RASAL3: variants seen among roughly 807,000 people sequenced by gnomAD.
RASAL3 encodes the protein RAS protein activator like 3.
In RASAL3, 74 loss-of-function variants were observed where a neutral mutation model predicts 105.5. That is an observed-to-expected ratio of 0.70 (90% CI 0.58 to 0.85). RASAL3 has a LOEUF of 0.85. Among genes scored for constraint, RASAL3 ranks in the 40% least tolerant of loss-of-function variants. The pLI, the probability that RASAL3 is intolerant of heterozygous loss-of-function variation, is 0.00. For missense variants in RASAL3, 1,352 were observed against 1,392.0 expected, an observed-to-expected ratio of 0.97 and a Z score of 0.46; for synonymous variants, 579 against 591.6, an observed-to-expected ratio of 0.98 and a Z score of 0.31.
chr19:15,457,541 G>T lies in RASAL3; in HGVS notation c.1182C>A (p.Arg394=). Reference sequence around the variant, plus strand: ...AGCGCTCCAGACCGGCGGCAGGCGCGCGTGGGGCGTCCAGCTCCTCCAGCG... The same window carrying T: ...AGCGCTCCAGACCGGCGGCAGGCGCTCGTGGGGCGTCCAGCTCCTCCAGCG... ...ALALEELDAP[R]APAAGLERWF... Residue 394 remains arginine (R), a synonymous_variant, in exon 9 of 18, where the codon CGC becomes CGA. Transcript: ENST00000343625. This position sits in a 1 kb window ranked among gnomAD's most constrained non-coding sequence, Gnocchi z 8.6. 1 of 1,141,914 alleles carries T rather than the reference G, an allele frequency of 8.8e-7. No individual in the cohort carries two copies. The highest frequency in any genetic ancestry group is 1.1e-6 in the Non-Finnish European group (1 of 927,386). 70.7% of individuals were successfully genotyped at this position (1,141,914 alleles called of 1,614,324 possible).
rs115953583 is a variant in RASAL3, at chr19:15,456,769, A to T, written c.1432-123T>A. ...CCCCTTGTAGCTGATGCTTAGGCCC[A>T]GTCCTTACTGCTGGGGCTCATAACC... is the stretch of plus-strand genomic sequence containing the variant. On this transcript the variant is annotated intron_variant, in intron 9 of 17. Transcript: ENST00000343625. This position sits in a 1 kb window ranked among gnomAD's most constrained non-coding sequence, Gnocchi z 4.4. 4,952 of 1,178,088 alleles carry T rather than the reference A, an allele frequency of 4.2e-3. 160 individuals are homozygous for T. The African/African-American group carries it at 0.07, about 17-fold the overall frequency. The allele number at this position is 1,178,088 out of a possible 1,614,324, so 73.0% of individuals were successfully genotyped here.
At position 15,460,274 on chromosome 19, in the gene RASAL3, T is replaced by G. The variant is rs758500512; in HGVS notation, c.607-16A>C. ...TGAGCAACCCCTGTGGGGAAGGGAA[T>G]GTCAGCTGGACAGAAATCTGTGCTC... On this transcript the variant is annotated splice_polypyrimidine_tract_variant and intron_variant, in intron 5 of 17. Coordinates refer to ENST00000343625, the MANE Select transcript of RASAL3 (RefSeq NM_022904.3). 5 of 1,601,784 alleles carry G rather than the reference T, an allele frequency of 3.1e-6. No homozygotes were observed. Among genetic ancestry groups the G allele is most frequent in the Non-Finnish European group, 4.3e-6 (5 of 1,173,808 alleles).
rs1364352252 is a variant in RASAL3 at position 15,454,573 on chromosome 19, G to T, written c.1959-11C>A. On this transcript the variant is annotated splice_polypyrimidine_tract_variant and intron_variant, in intron 12 of 17. Coordinates refer to ENST00000343625, the MANE Select transcript of RASAL3 (RefSeq NM_022904.3). ...TCCTTCTCACCGAACCTGGATCAGG[G>T]CCAGGCTGGGTGGGTCAGGTCAGGC... The T allele has an allele frequency of 2.5e-6, 4 of 1,613,704 alleles. No individual in the cohort carries two copies. In the East Asian group the frequency reaches 6.7e-5, roughly 27 times the overall value.
At chr19:15,464,441 C>T (rs1279501710) in intron 1 of RASAL3, 64 bp from the exon 2 acceptor site, 9 of 1,312,280 alleles carry the variant, frequency 6.9e-6, no homozygotes, top group Non-Finnish European at 1.1e-6. Context: ...CATCTCGGCC[C>T]CCTCCCCACC....
At position 15,453,499 on chromosome 19, in the gene RASAL3, T is replaced by C; in HGVS notation, c.2280-2A>G. 2.6e-6 allele frequency: 4 copies of C among 1,522,166 alleles called. No individual in the cohort carries two copies. The highest frequency in any genetic ancestry group is 3.5e-6 in the Non-Finnish European group (4 of 1,144,116). 94.3% of individuals were successfully genotyped at this position (1,522,166 alleles called of 1,614,324 possible). A position where few individuals can be genotyped will look rare whatever the true frequency, so the allele number is the denominator to read the frequency against. On this transcript the variant is annotated splice_acceptor_variant, in intron 14 of 17. Coordinates refer to ENST00000343625, the MANE Select transcript of RASAL3 (RefSeq NM_022904.3). LOFTEE classifies it high-confidence loss of function. The surrounding 1 kb of genome is among the most constrained non-coding windows in gnomAD (Gnocchi z 4.2). ...CCGGGCTTCTCCCCTGCGGAGAGGC[T>C]AGGGGTGGGATGGAGGATCTTAGAC...
Position 15,453,225 on chromosome 19 carries a change from C to T in RASAL3, c.2552G>A (p.Arg851Gln). 1.2e-6 allele frequency: 2 copies of T among 1,603,044 alleles called. No homozygotes were observed. The highest frequency in any genetic ancestry group is 1.7e-6 in the Non-Finnish European group (2 of 1,175,794). ...CGAGGCGGAGTCCCGGGTCCAAGGC[C>T]GGGCGCGGGGCGCTGGTCCCATGCT... Reference protein sequence around the residue: ...SLSMGPAPRARPWTRDSASLP... With the variant: ...SLSMGPAPRAQPWTRDSASLP... The change falls in exon 15 of 18, where the codon CGG becomes CAG. Residue 851 changes from arginine to glutamine, a missense_variant. Arg to Gln is a conservative substitution (Grantham distance 43). This residue lies in a region of RASAL3 where 920 missense variants were observed against 919.6 expected (regional missense o/e 1.00). Coordinates refer to ENST00000343625, the MANE Select transcript of RASAL3 (RefSeq NM_022904.3). This position sits in a 1 kb window ranked among gnomAD's most constrained non-coding sequence, Gnocchi z 4.2.
intron 6 of RASAL3, among the ~76,000 whole-genome samples, chr19:15,459,659 C>T (rs751570798): frequency 7.9e-5 from 12 of 152,032 alleles, no homozygotes; most frequent in Non-Finnish European, 1.3e-4. Flanking sequence ...CACTCAGCCT[C>T]CCCAGTAGGT....
At chr19:15,452,539 G>A in intron 16 of RASAL3, 119 bp downstream of exon 16, 1 of 901,988 alleles carries the variant, frequency 1.1e-6, no homozygotes, top group South Asian at 1.8e-5. Flanking sequence ...TATTGGGGCG[G>A]GGCCAGGGTG....
Position 15,457,837 on chromosome 19 carries a change from G to A in RASAL3, c.889-3C>T. ...GTCTCTTCCCGCTCCACGTTGTCCT[G>A]CAGATGGGAGTGGGATGGGGGGAAG... On this transcript the variant is annotated splice_region_variant and splice_polypyrimidine_tract_variant and intron_variant, in intron 8 of 17. Transcript: ENST00000343625. This position sits in a 1 kb window ranked among gnomAD's most constrained non-coding sequence, Gnocchi z 8.6. 6.5e-7 allele frequency: 1 copy of A among 1,548,536 alleles called. No individual in the cohort carries two copies. Among genetic ancestry groups the A allele is most frequent in the Admixed American group, 2.0e-5 (1 of 50,948 alleles).
Position 15,461,225 on chromosome 19 carries a change from C to T in RASAL3, c.537G>A (p.Arg179=), listed in dbSNP as rs1599750437. Residue 179 remains arginine, a synonymous_variant, in exon 4 of 18, where the codon AGG becomes AGA. Transcript: ENST00000343625. Reference sequence around the variant, plus strand: ...TCCACCCCTCAAGCTTACCTGGATCCCTGAAGTTCCCCATGGCCACGTGGA... The same window carrying T: ...TCCACCCCTCAAGCTTACCTGGATCTCTGAAGTTCCCCATGGCCACGTGGA... The part of the protein sequence containing the change: ...GSIHVAMGNF[R]DPDRMPGKTE... The T allele has an allele frequency of 1.2e-6, 2 of 1,613,898 alleles. No individual in the cohort carries two copies. The highest frequency in any genetic ancestry group is 2.2e-5 in the East Asian group (1 of 44,880).
chr19:15,457,259 G>T lies in RASAL3; in HGVS notation c.1431+33C>A. 1 of 1,248,476 alleles carries T rather than the reference G, an allele frequency of 8.0e-7. No homozygotes were observed. The highest frequency in any genetic ancestry group is 1.0e-6 in the Non-Finnish European group (1 of 994,930). The allele number at this position is 1,248,476 out of a possible 1,614,324, so 77.3% of individuals were successfully genotyped here. On this transcript the variant is annotated intron_variant, in intron 9 of 17. Coordinates refer to ENST00000343625, the MANE Select transcript of RASAL3 (RefSeq NM_022904.3). The surrounding 1 kb of genome is among the most constrained non-coding windows in gnomAD (Gnocchi z 8.6). ...GAAGCGCGTTATCGGTCTACCCCTG[G>T]TAGCCCCGGTCCGCGCTGTCGCGGT... is the stretch of plus-strand genomic sequence containing the variant.
chr19:15,463,180 G>C (rs140759799), intron 2 of RASAL3, among the ~76,000 whole-genome samples: 6 of 151,500 alleles, frequency 4.0e-5, no homozygotes, highest in African/African-American at 1.5e-4. Flanking sequence ...CCACCTCCCG[G>C]GTTCAAGCGA....
chr19:15,464,098 C>T lies in RASAL3; in HGVS notation c.261G>A (p.Lys87=). The change falls in exon 2 of 18, where the codon AAG becomes AAA. Residue 87 remains lysine, a synonymous_variant. Transcript: ENST00000343625. ...GGTTCTTATGCCTCCCCCAGAGGGC[C>T]TTGGAGAGTCGAAGGCGACTGGTCC... is the stretch of plus-strand genomic sequence containing the variant. ...ESRTSRLRLS[K]ALWGRHKNPP... 1 of 1,612,234 alleles carries T rather than the reference C, an allele frequency of 6.2e-7. No individual in the cohort carries two copies. Among genetic ancestry groups the T allele is most frequent in the South Asian group, 1.1e-5 (1 of 90,882 alleles).
chr19:15,452,140 A>T (rs371295044), intron 16 of RASAL3, 32 bp from the exon 17 acceptor site: 240 of 1,611,664 alleles, frequency 1.5e-4, no homozygotes, highest in Non-Finnish European at 1.8e-4. Context: ...GGCGAAGGGC[A>T]GAGGCTAAGG....
At position 15,464,106 on chromosome 19, in the gene RASAL3, G is replaced by A. The variant is rs1170373350; in HGVS notation, c.253C>T (p.Leu85Phe). The A allele has an allele frequency of 4.3e-6, 7 of 1,612,770 alleles. No homozygotes were observed. Among genetic ancestry groups the A allele is most frequent in the Non-Finnish European group, 5.9e-6 (7 of 1,179,498 alleles). ...PKESRTSRLR[L>F]SKALWGRHKN... ...TGCCTCCCCCAGAGGGCCTTGGAGA[G>A]TCGAAGGCGACTGGTCCGTGACTCC... is the stretch of plus-strand genomic sequence containing the variant. The change falls in exon 2 of 18, where the codon CTC (leucine) becomes TTC (phenylalanine). Residue 85 changes from leucine (L) to phenylalanine (F), a missense_variant. This residue lies in a region of RASAL3 where 344 missense variants were observed against 339.6 expected (regional missense o/e 1.01). Transcript: ENST00000343625.
chr19:15,462,347 G>C (rs182380536), intron 2 of RASAL3, among the ~76,000 whole-genome samples: 1 of 152,024 alleles, frequency 6.6e-6, no homozygotes. Flanking sequence ...TTAGCCAGGC[G>C]TGGTGGCACA....
Position 15,453,269 on chromosome 19 carries a change from C to T in RASAL3, c.2508G>A (p.Pro836=), listed in dbSNP as rs980768598. ...ARRRQSAGPW[P]RPKGSLSMGP... is the part of the protein sequence containing the mutation. Reference sequence around the variant, plus strand: ...CCATGCTCAGGGAGCCTTTGGGTCGCGGCCAGGGCCCCGCAGATTGGCGGC... The same window carrying T: ...CCATGCTCAGGGAGCCTTTGGGTCGTGGCCAGGGCCCCGCAGATTGGCGGC... The change falls in exon 15 of 18, where the codon CCG becomes CCA. Residue 836 remains proline (P), a synonymous_variant. Coordinates refer to ENST00000343625, the MANE Select transcript of RASAL3 (RefSeq NM_022904.3). This position sits in a 1 kb window ranked among gnomAD's most constrained non-coding sequence, Gnocchi z 4.2. 12 of 1,554,140 alleles carry T rather than the reference C, an allele frequency of 7.7e-6. No individual in the cohort carries two copies. Among genetic ancestry groups the T allele is most frequent in the African/African-American group, 1.4e-5 (1 of 73,000 alleles).
intron 6 of RASAL3, among the ~76,000 whole-genome samples, chr19:15,458,990 G>A (rs1970423827): frequency 6.6e-6 from 1 of 151,974 alleles, no homozygotes; most frequent in East Asian, 1.9e-4. Context: ...TAGTGCGGTG[G>A]CTGGATCTCA....
rs1970602747 is a variant in RASAL3, at chr19:15,464,193, T to C, written c.166A>G (p.Met56Val). 5.6e-6 allele frequency: 9 copies of C among 1,611,992 alleles called. No individual in the cohort carries two copies. The highest frequency in any genetic ancestry group is 7.6e-6 in the Non-Finnish European group (9 of 1,179,470). Reference protein sequence around the residue: ...WGRALSHQEPMVSTQPAPRSI... With the variant: ...WGRALSHQEPVVSTQPAPRSI... ...CGAGGGGCTGGCTGGGTGCTGACCA[T>C]GGGCTCCTGGTGGCTCAGGGCCCTG... is the stretch of plus-strand genomic sequence containing the variant. Residue 56 changes from methionine (M) to valine (V), a missense_variant, in exon 2 of 18, where the codon ATG becomes GTG. By Grantham distance (21) the Met-to-Val change is conservative. Coordinates refer to ENST00000343625, the MANE Select transcript of RASAL3 (RefSeq NM_022904.3).
Sources: gnomAD v4.1 joint callset for allele counts (sites outside exome capture counted in the v4.1 genomes callset) on GRCh38, gnomAD v4.1.1 for gene constraint, gnomAD v4.1.1 regional missense constraint, Gnocchi (gnomAD v3.1) non-coding constraint, MANE v1.5 for transcripts, NCBI Gene and HGNC (gene_info 2026-07-23, HGNC 2026-07-21) for gene names.